Variants in MAPK8IP3 observed in about 807,000 individuals in gnomAD.
MAPK8IP3 encodes mitogen-activated protein kinase 8 interacting protein 3.
MAPK8IP3 carries 49 observed loss-of-function variants against 157.8 expected under a neutral mutation model. That is an observed-to-expected ratio of 0.31 (90% CI 0.25 to 0.39). The LOEUF is 0.39. Ranked by LOEUF, MAPK8IP3 falls within the 10% of genes least tolerant of loss-of-function variation. The probability of loss-of-function intolerance (pLI) is 1.00; values close to 1 mark genes in which losing one functional copy is unlikely to be tolerated. For missense variants in MAPK8IP3, 1,478 were observed against 1,889.4 expected (o/e 0.78, Z 4.04); for synonymous variants, 897 against 777.7 (o/e 1.15, Z -2.55).
At chr16:1,758,858 A>G in intron 9 of MAPK8IP3, 120 bp from the exon 10 acceptor site, 2 of 1,043,806 alleles carry the variant, frequency 1.9e-6, no homozygotes. Flanking sequence ...CAGCAGACCC[A>G]GCTCTGAATT....
At chr16:1,725,791 G>A (rs1324838790) in intron 2 of MAPK8IP3, among the ~76,000 whole-genome samples, 2 of 151,876 alleles carry the variant, frequency 1.3e-5, no homozygotes, top group South Asian at 2.1e-4. Context: ...TCTGCCTCCC[G>A]GGTTCAAGTG....
At position 1,770,314 on chromosome 16, in the gene MAPK8IP3, C is replaced by T. The variant is rs917011100; in HGVS notation, c.*1490C>T. The T allele has an allele frequency of 1.2e-4, 35 of 286,680 alleles. No individual in the cohort carries two copies. The highest frequency in any genetic ancestry group is 6.1e-4 in the African/African-American group (28 of 45,898). 17.8% of individuals were successfully genotyped at this position (286,680 alleles called of 1,614,324 possible). On this transcript the variant is annotated 3_prime_UTR_variant, in exon 32 of 32. Coordinates refer to ENST00000610761, the MANE Select transcript of MAPK8IP3 (RefSeq NM_001318852.2). The stretch of plus-strand genomic sequence containing the variant: ...CTGTATGTAATAAATGTCTTAACGT[C>T]GTAGCTGCCTGTTCCTGGGCCCAAA...
intron 4 of MAPK8IP3, among the ~76,000 whole-genome samples, chr16:1,735,683 G>T (rs1406625575): frequency 6.8e-6 from 1 of 147,730 alleles, no homozygotes; most frequent in African/African-American, 2.5e-5. Context: ...GACCGTCCGT[G>T]TGAGCGTCTG....
At chr16:1,738,784 CGTCCGTGTGAGT>C (rs1567170860) in intron 4 of MAPK8IP3, among the ~76,000 whole-genome samples, 1 of 119,118 alleles carries the variant, frequency 8.4e-6, no homozygotes, top group African/African-American at 3.2e-5. Flanking sequence ...AGCGTGTGAG[CGTCCGTGTGAGT>C]GTGACCACCC....
At position 1,768,458 on chromosome 16, in the gene MAPK8IP3, A is replaced by T; in HGVS notation, c.3743-19A>T. 6.3e-7 allele frequency: 1 copy of T among 1,580,898 alleles called. No homozygotes were observed. The highest frequency in any genetic ancestry group is 1.1e-5 in the South Asian group (1 of 88,986). On this transcript the variant is annotated intron_variant, in intron 30 of 31. Transcript: ENST00000610761. ...CTCCCCCAGGAGGCCGCTGTCCTGA[A>T]TCGCTTCTGCCATCCCAGGGAACGT...
At chr16:1,736,549 C>CGTCT (rs1567164536) in intron 4 of MAPK8IP3, among the ~76,000 whole-genome samples, 2 of 62,448 alleles carry the variant, frequency 3.2e-5, no homozygotes, top group Non-Finnish European at 5.7e-5. Flanking sequence ...TCCGTGTGAG[C>CGTCT]GTGTGACTGT....
intron 1 of MAPK8IP3, among the ~76,000 whole-genome samples, chr16:1,722,091 A>G (rs1056932842): frequency 6.6e-6 from 1 of 152,176 alleles, no homozygotes; most frequent in African/African-American, 2.4e-5. Context: ...AAAAATTCTT[A>G]TCAGTCGATT....
intron 1 of MAPK8IP3, among the ~76,000 whole-genome samples, chr16:1,721,443 C>T (rs966085481): frequency 2.0e-5 from 3 of 151,308 alleles, no homozygotes; most frequent in African/African-American, 7.3e-5. Flanking sequence ...TCTACAAAAC[C>T]TTTTTTTTTA....
chr16:1,733,362 A>G (rs2039440220), intron 4 of MAPK8IP3, among the ~76,000 whole-genome samples: 1 of 152,088 alleles, frequency 6.6e-6, no homozygotes, highest in South Asian at 2.1e-4. Context: ...CCCCAGGCCC[A>G]CAGACAACAC....
chr16:1,726,076 T>C (rs1003135833), intron 2 of MAPK8IP3, among the ~76,000 whole-genome samples: 1 of 152,192 alleles, frequency 6.6e-6, no homozygotes, highest in East Asian at 1.9e-4. Flanking sequence ...AAGATCAAAT[T>C]TGGGAAAGAA....
intron 8 of MAPK8IP3, among the ~76,000 whole-genome samples, chr16:1,756,504 C>G (rs1388061161): frequency 1.3e-5 from 2 of 151,756 alleles, no homozygotes; most frequent in African/African-American, 4.8e-5. Flanking sequence ...CAACCGGGGT[C>G]AGGCACAGTG....
chr16:1,712,042 T>G (rs2037814543), intron 1 of MAPK8IP3, among the ~76,000 whole-genome samples: 1 of 138,186 alleles, frequency 7.2e-6, no homozygotes, highest in Non-Finnish European at 1.6e-5. Context: ...TCTTTTGGCC[T>G]CAGGAGTTCT....
intron 4 of MAPK8IP3, among the ~76,000 whole-genome samples, chr16:1,738,562 G>C: frequency 7.1e-6 from 1 of 141,840 alleles, no homozygotes; most frequent in South Asian, 2.5e-4. Context: ...GTGTGAGCGT[G>C]TGAGCATCCG....
At position 1,737,743 on chromosome 16, in the gene MAPK8IP3, CGTGACCATCCGTGT is replaced by C. The variant is rs1185622261; in HGVS notation, c.603-5585_603-5572del. Reference sequence around the variant, plus strand: ...CCGTCCGTGTGAGCATCCGTGTGAGCGTGACCATCCGTGTGTGTGACCATCCGTGTGAGTGACCA... The same window carrying C: ...CCGTCCGTGTGAGCATCCGTGTGAGCGTGTGACCATCCGTGTGAGTGACCA... On this transcript the variant is annotated intron_variant, in intron 4 of 31. Coordinates refer to ENST00000610761, the MANE Select transcript of MAPK8IP3 (RefSeq NM_001318852.2). Among the ~76,000 whole-genome samples the C allele has an allele frequency of 1.1e-4, 5 of 45,750 alleles. 1 individual carries two copies. The highest frequency in any genetic ancestry group is 2.5e-3 in the East Asian group (2 of 788). The allele number at this position is 45,750 out of a possible 152,430, so 30.0% of individuals were successfully genotyped here.
At chr16:1,716,539 C>T (rs2038161531) in intron 1 of MAPK8IP3, among the ~76,000 whole-genome samples, 1 of 151,972 alleles carries the variant, frequency 6.6e-6, no homozygotes, top group African/African-American at 2.4e-5. Flanking sequence ...TCGTGATCCT[C>T]CCACCTCGGC....
Position 1,741,327 on chromosome 16 carries a change from G to A in MAPK8IP3, c.603-2005G>A, listed in dbSNP as rs2141840482. ...GCCTGAGGCCAGGGCCTGGGGGCCG[G>A]TGGGGAGGAGCAAAGGAAAGAGTGA... On this transcript the variant is annotated intron_variant, in intron 4 of 31. Transcript: ENST00000610761. This position sits in a 1 kb window ranked among gnomAD's most constrained non-coding sequence, Gnocchi z 6.9. 6.6e-6 allele frequency among the ~76,000 whole-genome samples: 1 copy of A among 152,330 alleles called. No homozygotes were observed. The highest frequency in any genetic ancestry group is 1.9e-4 in the East Asian group (1 of 5,182).
At position 1,769,076 on chromosome 16, in the gene MAPK8IP3, G is replaced by C. The variant is rs2042461956; in HGVS notation, c.*252G>C. The C allele has an allele frequency of 1.8e-6, 1 of 540,750 alleles. No homozygotes were observed. Among genetic ancestry groups the C allele is most frequent in the Non-Finnish European group, 3.3e-6 (1 of 300,830 alleles). The allele number at this position is 540,750 out of a possible 1,614,324, so 33.5% of individuals were successfully genotyped here. A position where few individuals can be genotyped will look rare whatever the true frequency, so the allele number is the denominator to read the frequency against. ...CAGTTTCCCGGGCAGCTCCTGGCCA[G>C]CTTCCAGCCCAGAGTCCTCAAGTCC... On this transcript the variant is annotated 3_prime_UTR_variant, in exon 32 of 32. Coordinates refer to ENST00000610761, the MANE Select transcript of MAPK8IP3 (RefSeq NM_001318852.2).
intron 5 of MAPK8IP3, chr16:1,746,683 A>G (rs1337683281): frequency 3.6e-6 from 1 of 274,324 alleles, no homozygotes; most frequent in East Asian, 8.1e-5. Flanking sequence ...GTTTCTGAAC[A>G]GCCACAAGCT....
intron 1 of MAPK8IP3, among the ~76,000 whole-genome samples, chr16:1,723,931 A>G (rs2038700365): frequency 6.6e-6 from 1 of 152,120 alleles, no homozygotes; most frequent in South Asian, 2.1e-4. Flanking sequence ...ACCTAGACCA[A>G]TCCCCCTGCC....
Sources: allele counts gnomAD v4.1 joint callset (sites outside exome capture counted in the v4.1 genomes callset), GRCh38; gene constraint gnomAD v4.1.1; non-coding constraint Gnocchi (gnomAD v3.1); transcripts MANE v1.5; gene names NCBI Gene and HGNC (gene_info 2026-07-23, HGNC 2026-07-21).